VAT1L: variants seen among roughly 807,000 people sequenced by gnomAD.
VAT1L encodes the protein putative NADPH-dependent quinone oxidoreductase VAT1L.
In VAT1L, 34 loss-of-function variants were observed where a neutral mutation model predicts 44.1. That is an observed-to-expected ratio of 0.77 (90% CI 0.59 to 1.03). The LOEUF (loss-of-function observed/expected upper bound fraction) is 1.03. VAT1L is among the 50% of genes least tolerant of loss of function. The probability of loss-of-function intolerance (pLI) is 0.00; values close to 1 mark genes in which losing one functional copy is unlikely to be tolerated. For synonymous variants in VAT1L, 253 were observed against 202.2 expected, an observed-to-expected ratio of 1.25 and a Z score of -2.13; for missense variants, 615 against 538.8, an observed-to-expected ratio of 1.14 and a Z score of -1.40.
At chr16:77,975,606 C>T (rs895170031) in intron 8 of VAT1L, among the ~76,000 whole-genome samples, 2 of 152,138 alleles carry the variant, frequency 1.3e-5, no homozygotes, top group Non-Finnish European at 1.5e-5. Flanking sequence ...GGCTCTAAGG[C>T]GTGTGGGCAG....
At chr16:77,973,404 C>T (rs1044336969) in intron 8 of VAT1L, among the ~76,000 whole-genome samples, 4 of 152,034 alleles carry the variant, frequency 2.6e-5, no homozygotes, top group African/African-American at 9.7e-5. Context: ...CCTGCCTCAG[C>T]CTCCTGAGTA....
chr16:77,886,382 G>C lies in VAT1L; in HGVS notation c.1077+1580G>C, dbSNP rs142547734. Reference sequence around the variant, plus strand: ...ACGGAATCATCAAGAAAAAAGCTAAGAGATATACTTGTCCATGGGCCAGAG... The same window carrying C: ...ACGGAATCATCAAGAAAAAAGCTAACAGATATACTTGTCCATGGGCCAGAG... On this transcript the variant is annotated intron_variant, in intron 7 of 8. Transcript: ENST00000302536. Among the ~76,000 whole-genome samples the C allele has an allele frequency of 2.5e-3, 380 of 152,270 alleles. 8 individuals carry two copies. Among genetic ancestry groups the C allele is most frequent in the African/African-American group, 9.0e-3 (373 of 41,570 alleles).
Position 77,867,016 on chromosome 16 carries a change from A to G in VAT1L, c.722+4126A>G, listed in dbSNP as rs539846864. 2.0e-5 allele frequency among the ~76,000 whole-genome samples: 3 copies of G among 152,326 alleles called. No homozygotes were observed. The South Asian group carries it at 6.2e-4, about 32-fold the overall frequency. Reference sequence around the variant, plus strand: ...GAATCTTGGACAGAACAGGGCAGATAATAATAGCCACGCTTTGTTGCTCTC... The same window carrying G: ...GAATCTTGGACAGAACAGGGCAGATGATAATAGCCACGCTTTGTTGCTCTC... On this transcript the variant is annotated intron_variant, in intron 4 of 8. Coordinates refer to ENST00000302536, the MANE Select transcript of VAT1L (RefSeq NM_020927.3).
intron 7 of VAT1L, among the ~76,000 whole-genome samples, chr16:77,932,403 C>A (rs1472451721): frequency 6.6e-6 from 1 of 152,240 alleles, no homozygotes; most frequent in East Asian, 1.9e-4. Context: ...CCACTCCCAA[C>A]CAAAATACAG....
At chr16:77,904,213 C>A (rs1326172766) in intron 7 of VAT1L, among the ~76,000 whole-genome samples, 4 of 150,278 alleles carry the variant, frequency 2.7e-5, no homozygotes, top group African/African-American at 9.8e-5. Flanking sequence ...ATTAAAGGCA[C>A]CATTGGTGTA....
At chr16:77,843,784 A>G (rs2016731094) in intron 3 of VAT1L, among the ~76,000 whole-genome samples, 2 of 152,246 alleles carry the variant, frequency 1.3e-5, no homozygotes, top group South Asian at 4.1e-4. Flanking sequence ...TTTGCATACA[A>G]CCTATGCTCA....
intron 3 of VAT1L, among the ~76,000 whole-genome samples, chr16:77,843,742 C>G (rs540233030): frequency 2.0e-5 from 3 of 152,218 alleles, no homozygotes; most frequent in Admixed American, 6.5e-5. Flanking sequence ...GTCCCTGATA[C>G]AAACTGGTCC....
intron 3 of VAT1L, among the ~76,000 whole-genome samples, chr16:77,838,669 G>T (rs1050362126): frequency 6.6e-6 from 1 of 150,680 alleles, no homozygotes; most frequent in African/African-American, 2.4e-5. Flanking sequence ...TTCCCTCCCT[G>T]CCTCTCTGTT....
In VAT1L at chr16:77,858,521, C is replaced by T. The variant is rs563902010; in HGVS notation, c.580-4227C>T. 2.3e-3 allele frequency among the ~76,000 whole-genome samples: 350 copies of T among 152,270 alleles called. 1 individual carries two copies. The highest frequency in any genetic ancestry group is 3.6e-3 in the Non-Finnish European group (242 of 68,020). Reference sequence around the variant, plus strand: ...CTAGGCACTTTGATGCATTATATCACGTAATCTCACAGTAAACCTAGACTG... The same window carrying T: ...CTAGGCACTTTGATGCATTATATCATGTAATCTCACAGTAAACCTAGACTG... On this transcript the variant is annotated intron_variant, in intron 3 of 8. Transcript: ENST00000302536.
intron 7 of VAT1L, among the ~76,000 whole-genome samples, chr16:77,970,801 T>A (rs393588): frequency 1.3e-5 from 2 of 152,016 alleles, no homozygotes; most frequent in Non-Finnish European, 2.9e-5. Flanking sequence ...TGTGTAGAAG[T>A]CTTCGGTTTT....
At chr16:77,942,451 A>G (rs1302513426) in intron 7 of VAT1L, among the ~76,000 whole-genome samples, 1 of 151,624 alleles carries the variant, frequency 6.6e-6, no homozygotes, top group African/African-American at 2.4e-5. Flanking sequence ...TTTTTTTTTC[A>G]TATGCGCATA....
intron 1 of VAT1L, among the ~76,000 whole-genome samples, chr16:77,802,478 G>C (rs528124139): frequency 1.1e-4 from 17 of 152,170 alleles, no homozygotes; most frequent in East Asian, 7.8e-4. Flanking sequence ...AGCCAGGTGT[G>C]GTGGCAGGCG....
intron 3 of VAT1L, among the ~76,000 whole-genome samples, chr16:77,855,851 C>T (rs905005929): frequency 6.6e-6 from 1 of 152,234 alleles, no homozygotes; most frequent in Middle Eastern, 3.4e-3. Flanking sequence ...AACCCCATCT[C>T]TACTAAAAAT....
chr16:77,892,005 G>T (rs1460614060), intron 7 of VAT1L, among the ~76,000 whole-genome samples: 1 of 152,182 alleles, frequency 6.6e-6, no homozygotes, highest in African/African-American at 2.4e-5. Context: ...CCGGGAGGCG[G>T]AGGTTGCAGT....
At chr16:77,926,279 A>T (rs111880093) in intron 7 of VAT1L, among the ~76,000 whole-genome samples, 2 of 126,992 alleles carry the variant, frequency 1.6e-5, no homozygotes, top group African/African-American at 6.1e-5. Context: ...AAAAAAAAAT[A>T]GGAGTAATAA....
chr16:77,880,832 G>C (rs1194851446), intron 6 of VAT1L, among the ~76,000 whole-genome samples: 3 of 151,896 alleles, frequency 2.0e-5, no homozygotes, highest in African/African-American at 4.8e-5. Flanking sequence ...CTCCCACTTA[G>C]GAGAGAACAT....
chr16:77,956,782 G>C lies in VAT1L; in HGVS notation c.1078-15068G>C, dbSNP rs572517543. ...TTGGTTGGCAATGCTTTCGCAAATA[G>C]AATCGCTCTTTTATTTCCACTCTAT... On this transcript the variant is annotated intron_variant, in intron 7 of 8. Coordinates refer to ENST00000302536, the MANE Select transcript of VAT1L (RefSeq NM_020927.3). Among the ~76,000 whole-genome samples the C allele has an allele frequency of 5.7e-4, 87 of 152,324 alleles. 1 individual carries two copies. Among genetic ancestry groups the C allele is most frequent in the Admixed American group, 5.6e-3 (86 of 15,306 alleles).
intron 7 of VAT1L, among the ~76,000 whole-genome samples, chr16:77,943,404 G>C (rs2017916164): frequency 3.2e-5 from 4 of 126,210 alleles, no homozygotes; most frequent in Non-Finnish European, 4.8e-5. Flanking sequence ...TTTTGAGACA[G>C]AGTCTCGCTC....
At chr16:77,814,536 T>C (rs969676373) in intron 1 of VAT1L, among the ~76,000 whole-genome samples, 1 of 152,150 alleles carries the variant, frequency 6.6e-6, no homozygotes, top group Non-Finnish European at 1.5e-5. Context: ...AGCAGCGTAA[T>C]AAGTGTCGAA....
Sources: gnomAD v4.1 joint callset for allele counts (sites outside exome capture counted in the v4.1 genomes callset) on GRCh38, gnomAD v4.1.1 for gene constraint, MANE v1.5 for transcripts, NCBI Gene and HGNC (gene_info 2026-07-23, HGNC 2026-07-21) for gene names.